Variants in CASK observed in about 807,000 individuals in gnomAD.
The protein encoded by CASK is peripheral plasma membrane protein CASK.
CASK carries 4 observed loss-of-function variants against 82.9 expected under a neutral mutation model. That is an observed-to-expected ratio of 0.05 (90% CI 0.02 to 0.11). The LOEUF is 0.11. CASK is among the 10% of genes least tolerant of loss of function. CASK has a pLI of 1.00. For synonymous variants in CASK, 259 were observed against 253.5 expected, an observed-to-expected ratio of 1.02 and a Z score of -0.20; for missense variants, 358 against 720.9, an observed-to-expected ratio of 0.50 and a Z score of 5.76.
intron 9 of CASK, among the ~76,000 whole-genome samples, chrX:41,630,629 G>A (rs1385341435): frequency 8.9e-6 from 1 of 111,875 alleles, no homozygotes; most frequent in Admixed American, 9.6e-5. Context: ...AATTGGCTTT[G>A]TACCTAAATA....
intron 9 of CASK, among the ~76,000 whole-genome samples, chrX:41,633,591 G>A (rs1410181669): frequency 9.3e-6 from 1 of 107,862 alleles, no homozygotes; most frequent in African/African-American, 3.5e-5. Flanking sequence ...GTTATCTAGA[G>A]GATTCTTTTT....
At chrX:41,583,188 A>AT (rs968821062) in intron 14 of CASK, among the ~76,000 whole-genome samples, 3 of 112,301 alleles carry the variant, frequency 2.7e-5, no homozygotes, top group Non-Finnish European at 5.6e-5. Flanking sequence ...AGCAATGCAC[A>AT]TATTAACTTC....
At chrX:41,787,949 A>G (rs2069646396) in intron 2 of CASK, among the ~76,000 whole-genome samples, 1 of 110,473 alleles carries the variant, frequency 9.1e-6, no homozygotes. Context: ...TCAGGTCAGG[A>G]GTTTGAGACA....
intron 14 of CASK, among the ~76,000 whole-genome samples, chrX:41,580,265 T>G (rs2065554184): frequency 8.9e-6 from 1 of 112,114 alleles, no homozygotes; most frequent in Admixed American, 9.5e-5. Flanking sequence ...ACTGCAGCCT[T>G]GACCTCTTGG....
intron 14 of CASK, chrX:41,583,894 A>G (rs1407129961): frequency 9.0e-6 from 1 of 111,603 alleles, no homozygotes; most frequent in Admixed American, 9.5e-5. Context: ...GGCATGTGCC[A>G]CCATGTCTGG....
chrX:41,559,911 G>T, intron 17 of CASK, 64 bp from the exon 18 acceptor site: 1 of 1,002,153 alleles, frequency 1.0e-6, no homozygotes, highest in Non-Finnish European at 1.4e-6. Context: ...ACAAAACCAT[G>T]TAAGAAGCCA....
chrX:41,737,678 A>G (rs1187184379), intron 5 of CASK, among the ~76,000 whole-genome samples: 2 of 112,648 alleles, frequency 1.8e-5, no homozygotes, highest in African/African-American at 6.4e-5. Flanking sequence ...TATATTGTCA[A>G]TCATTGTTTA....
intron 25 of CASK, among the ~76,000 whole-genome samples, chrX:41,527,085 C>T (rs2064723579): frequency 9.0e-6 from 1 of 111,308 alleles, no homozygotes; most frequent in Non-Finnish European, 1.9e-5. Flanking sequence ...TAAAGATGAA[C>T]TCTAAACCCT....
chrX:41,830,104 A>G (rs1351888347), intron 2 of CASK, among the ~76,000 whole-genome samples: 3 of 107,017 alleles, frequency 2.8e-5, no homozygotes, highest in African/African-American at 1.0e-4. Flanking sequence ...GGCTCAAGCA[A>G]TCCTCCCACC....
Position 41,711,567 on chromosome X carries a change from C to T in CASK, c.429+27817G>A, listed in dbSNP as rs989191886. Among the ~76,000 whole-genome samples the T allele has an allele frequency of 2.7e-5, 3 of 110,781 alleles. No individual in the cohort carries two copies. In the Admixed American group the frequency reaches 2.9e-4, roughly 11 times the overall value. Reference sequence around the variant, plus strand: ...CAAGCTGAAGACAGTTTAAAGCCTACCTACATGTCCCGGGTAAATCCATGG... The same window carrying T: ...CAAGCTGAAGACAGTTTAAAGCCTATCTACATGTCCCGGGTAAATCCATGG... On this transcript the variant is annotated intron_variant, in intron 5 of 26. Transcript: ENST00000378163.
chrX:41,536,178 C>A (rs2064870699), intron 22 of CASK, among the ~76,000 whole-genome samples: 1 of 110,934 alleles, frequency 9.0e-6, no homozygotes, highest in Non-Finnish European at 1.9e-5. Flanking sequence ...AGTGCAGTGG[C>A]GCGATCTCGG....
chrX:41,774,160 T>C (rs999060261), intron 3 of CASK, among the ~76,000 whole-genome samples: 29 of 111,228 alleles, frequency 2.6e-4, no homozygotes, highest in African/African-American at 9.5e-4. Flanking sequence ...TGTCCCTGTT[T>C]GCAGATGACA....
intron 11 of CASK, among the ~76,000 whole-genome samples, chrX:41,617,618 G>C (rs2147306520): frequency 8.9e-6 from 1 of 111,813 alleles, no homozygotes; most frequent in South Asian, 3.7e-4. Flanking sequence ...ACACATTCTT[G>C]GTTGGATAGA....
chrX:41,524,044 GAAAA>G lies in CASK; in HGVS notation c.2521-14_2521-11del. 1 of 903,950 alleles carries G rather than the reference GAAAA, an allele frequency of 1.1e-6. No individual in the cohort carries two copies. Among genetic ancestry groups the G allele is most frequent in the South Asian group, 2.4e-5 (1 of 41,260 alleles). The allele number at this position is 903,950 out of a possible 1,213,427, so 74.5% of individuals were successfully genotyped here. On this transcript the variant is annotated splice_polypyrimidine_tract_variant and intron_variant, in intron 25 of 26. Transcript: ENST00000378163. ...TCAGGACCTTCAGTGCCTGTGTTAA[GAAAA>G]AAAAAAAAAATCCCGACTTAAAAGA...
chrX:41,747,074 GAC>G (rs1244436191), intron 3 of CASK, among the ~76,000 whole-genome samples: 1 of 110,063 alleles, frequency 9.1e-6, no homozygotes, highest in Non-Finnish European at 1.9e-5. Context: ...CTCAGCAGAA[GAC>G]ACACTGTAGA....
chrX:41,898,428 C>G (rs761189198), intron 1 of CASK, among the ~76,000 whole-genome samples: 26 of 111,693 alleles, frequency 2.3e-4, no homozygotes, highest in Non-Finnish European at 4.9e-4. Flanking sequence ...TTTCTAGTCT[C>G]TATTTCATTT....
In CASK at chrX:41,517,770, TAGCAGCAGCAGC is replaced by T. The variant is rs760277976; in HGVS notation, c.*2638_*2649del. ...TTAGTGGACAATTGTAATGTAGCAGTAGCAGCAGCAGCAGCAGCAGCAGCAGCAGCAGCAGCA... is the reference window on the plus strand; with the variant it reads ...TTAGTGGACAATTGTAATGTAGCAGTAGCAGCAGCAGCAGCAGCAGCAGCA... On this transcript the variant is annotated 3_prime_UTR_variant, in exon 27 of 27. Coordinates refer to ENST00000378163, the MANE Select transcript of CASK (RefSeq NM_001367721.1). The T allele has an allele frequency of 2.2e-3, 1,538 of 705,719 alleles. 4 individuals carry two copies. The highest frequency in any genetic ancestry group is 7.0e-3 in the African/African-American group (302 of 43,077). 58.2% of individuals were successfully genotyped at this position (705,719 alleles called of 1,213,427 possible). A position where few individuals can be genotyped will look rare whatever the true frequency, so the allele number is the denominator to read the frequency against.
intron 1 of CASK, among the ~76,000 whole-genome samples, chrX:41,865,553 G>T (rs1157975268): frequency 1.8e-5 from 2 of 111,748 alleles, no homozygotes; most frequent in Non-Finnish European, 3.8e-5. Context: ...ATTGGCATCA[G>T]TTGATGTCTT....
chrX:41,891,724 T>A, intron 1 of CASK, among the ~76,000 whole-genome samples: 1 of 111,803 alleles, frequency 8.9e-6, no homozygotes, highest in African/African-American at 3.3e-5. Context: ...ATTTTAAAAA[T>A]ATATAAAAGA....
Sources: allele counts gnomAD v4.1 joint callset (sites outside exome capture counted in the v4.1 genomes callset), GRCh38; gene constraint gnomAD v4.1.1; transcripts MANE v1.5; gene names NCBI Gene and HGNC (gene_info 2026-07-23, HGNC 2026-07-21).